CCDC51: variants seen among roughly 807,000 people sequenced by gnomAD.
CCDC51 encodes the protein mitochondrial potassium channel.
In CCDC51, 25 loss-of-function variants were observed where a neutral mutation model predicts 24.8. The ratio of observed to expected loss-of-function variants is 1.01; its 90% CI spans 0.73 to 1.41. The LOEUF is 1.41. Ranked by LOEUF, CCDC51 falls within the 40% of genes most tolerant of loss-of-function variation. CCDC51 has a pLI of 0.00. For synonymous variants in CCDC51, 190 were observed against 204.3 expected (o/e 0.93, Z 0.60); for missense variants, 466 against 519.1 (o/e 0.90, Z 0.99).
Position 48,432,604 on chromosome 3 carries a change from G to T in CCDC51, c.1040C>A (p.Pro347Gln). The change falls in exon 4 of 4, where the codon CCA becomes CAA. Residue 347 changes from proline (P) to glutamine (Q), a missense_variant. By Grantham distance (76) the Pro-to-Gln change is moderately conservative (BLOSUM62 -1). Transcript: ENST00000395694. ...VVQLVKSAAH[P>Q]GLVEPADGAM... ...CCCGTCTGCTGGTTCCACCAGGCCT[G>T]GGTGTGCTGCAGACTTTACAAGCTG... The T allele has an allele frequency of 1.9e-6, 3 of 1,614,248 alleles. No individual in the cohort carries two copies. Among genetic ancestry groups the T allele is most frequent in the Non-Finnish European group, 1.7e-6 (2 of 1,180,050 alleles).
rs1407813261 is a variant in CCDC51, at chr3:48,435,598, C to T, written c.-8-462G>A. Among the ~76,000 whole-genome samples, 3 of 152,152 alleles carry T rather than the reference C, an allele frequency of 2.0e-5. No individual in the cohort carries two copies. The highest frequency in any genetic ancestry group is 7.2e-5 in the African/African-American group (3 of 41,424). On this transcript the variant is annotated intron_variant, in intron 1 of 3. Coordinates refer to ENST00000395694, the MANE Select transcript of CCDC51 (RefSeq NM_001256964.2). This position sits in a 1 kb window ranked among gnomAD's most constrained non-coding sequence, Gnocchi z 4.2. The stretch of plus-strand genomic sequence containing the variant: ...TGGAACTCAGGGGAATTCAGGAAGA[C>T]TAAGATCCAGGATCATTTCTGTAAA...
the CCDC51 span, chr3:48,446,643 G>T: frequency 2.7e-5 from 14 of 524,284 alleles, no homozygotes; most frequent in South Asian, 8.1e-5. Flanking sequence ...TCTAAACACC[G>T]GGCGGGGCCG....
chr3:48,440,429 C>T (rs747573501), upstream of CCDC51: 2 of 1,612,466 alleles, frequency 1.2e-6, no homozygotes, highest in South Asian at 2.2e-5. Flanking sequence ...ACTGAAACAG[C>T]CCAAGAAGCA....
upstream of CCDC51, chr3:48,443,876 AAAGT>A: frequency 3.2e-6 from 5 of 1,559,922 alleles, no homozygotes; most frequent in South Asian, 1.2e-5. Flanking sequence ...AATCTGGCAA[AAAGT>A]AAGCTGTTCC....
chr3:48,442,452 C>CT (rs904695197), upstream of CCDC51, among the ~76,000 whole-genome samples: 2,587 of 130,722 alleles, frequency 0.02, 39 homozygotes, highest in African/African-American at 0.037. Flanking sequence ...TAACCCTACA[C>CT]TTTTTTTTTT....
In CCDC51 at chr3:48,435,141, G is replaced by C; in HGVS notation, c.-8-5C>G. On this transcript the variant is annotated splice_polypyrimidine_tract_variant and splice_region_variant and intron_variant, in intron 1 of 3. Coordinates refer to ENST00000395694, the MANE Select transcript of CCDC51 (RefSeq NM_001256964.2). This position sits in a 1 kb window ranked among gnomAD's most constrained non-coding sequence, Gnocchi z 4.2. ...TGCGCCCCATCATCCTGAGATCTGT[G>C]AGGGGGACGCCAGACAGGTCAGCTC... 6.4e-7 allele frequency: 1 copy of C among 1,557,212 alleles called. No homozygotes were observed. Among genetic ancestry groups the C allele is most frequent in the Non-Finnish European group, 8.7e-7 (1 of 1,153,140 alleles).
At chr3:48,443,669 C>T (rs1306477059), upstream of CCDC51, among the ~76,000 whole-genome samples, 1 of 151,970 alleles carries the variant, frequency 6.6e-6, no homozygotes, top group African/African-American at 2.4e-5. Flanking sequence ...TGTACTCCAT[C>T]TCATCCTCAT....
upstream of CCDC51, among the ~76,000 whole-genome samples, chr3:48,443,185 G>A (rs926540771): frequency 2.7e-5 from 4 of 145,754 alleles, no homozygotes; most frequent in Admixed American, 7.0e-5. Context: ...AGGCTGCAGT[G>A]AGCCAAAATT....
chr3:48,434,942 G>C lies in CCDC51; in HGVS notation c.187C>G (p.Leu63Val), dbSNP rs551032462. The change falls in exon 2 of 4, where the codon CTG (leucine) becomes GTG (valine). Residue 63 changes from leucine (L) to valine (V), a missense_variant. Leu to Val is a conservative substitution (Grantham distance 32). Transcript: ENST00000395694. ...ALGLHHRLPA[L>V]GRALGHSIQQ... is the part of the protein sequence containing the mutation. ...ATGCTGTGCCCCAGGGCTCTTCCCAGTGCTGGGAGGCGGTGGTGCAGCCCC... is the reference window on the plus strand; with the variant it reads ...ATGCTGTGCCCCAGGGCTCTTCCCACTGCTGGGAGGCGGTGGTGCAGCCCC... 1.2e-6 allele frequency: 2 copies of C among 1,614,240 alleles called. No individual in the cohort carries two copies. The highest frequency in any genetic ancestry group is 2.2e-5 in the South Asian group (2 of 91,088).
chr3:48,438,086 T>G (rs1042014664), intron 1 of CCDC51: 10 of 152,240 alleles, frequency 6.6e-5, no homozygotes, highest in African/African-American at 2.4e-4. Context: ...ATGCCATTTT[T>G]CACTCGGTTT....
the CCDC51 span, among the ~76,000 whole-genome samples, chr3:48,445,697 G>A: frequency 1.3e-5 from 2 of 152,162 alleles, no homozygotes; most frequent in Non-Finnish European, 2.9e-5. Context: ...AGACATTATA[G>A]GCCCTGATAG....
At chr3:48,445,064 TTGGGAGGCTGAGG>T (rs1482965279), upstream of CCDC51, 5 of 152,432 alleles carry the variant, frequency 3.3e-5, no homozygotes, top group African/African-American at 1.2e-4. Context: ...TCCCAGCCAT[TTGGGAGGCTGAGG>T]TGGGAGGATC....
chr3:48,444,110 A>AGT (rs2039625640), upstream of CCDC51: 9 of 375,350 alleles, frequency 2.4e-5, no homozygotes, highest in Non-Finnish European at 2.4e-5. Context: ...GTGAATTTAA[A>AGT]GTAAAACCAG....
rs2039322950 is a variant in CCDC51 at position 48,435,425 on chromosome 3, C to T, written c.-8-289G>A. 1.3e-5 allele frequency among the ~76,000 whole-genome samples: 2 copies of T among 152,218 alleles called. No homozygotes were observed. The highest frequency in any genetic ancestry group is 4.1e-4 in the South Asian group (2 of 4,830). ...AAAGCGGACCCTTCCCTGCTACCCACTTCCCTACATCCTCCAGGTCTCTCT... is the reference window on the plus strand; with the variant it reads ...AAAGCGGACCCTTCCCTGCTACCCATTTCCCTACATCCTCCAGGTCTCTCT... On this transcript the variant is annotated intron_variant, in intron 1 of 3. Transcript: ENST00000395694. This position sits in a 1 kb window ranked among gnomAD's most constrained non-coding sequence, Gnocchi z 4.2.
At chr3:48,439,335 A>T (rs1411343204) in intron 1 of CCDC51, among the ~76,000 whole-genome samples, 1 of 152,192 alleles carries the variant, frequency 6.6e-6, no homozygotes, top group Non-Finnish European at 1.5e-5. Context: ...ACTGTTATTT[A>T]AAAAAATAAC....
upstream of CCDC51, among the ~76,000 whole-genome samples, chr3:48,442,152 C>CTTAA (rs905841028): frequency 5.3e-5 from 8 of 151,998 alleles, no homozygotes; most frequent in Admixed American, 1.3e-4. Context: ...CTCGCTTAAG[C>CTTAA]CCAGGAGTTC....
chr3:48,440,943 C>T (rs2039546800), upstream of CCDC51: 2 of 454,594 alleles, frequency 4.4e-6, no homozygotes, highest in African/African-American at 2.0e-5. Flanking sequence ...ACGTCGTCCG[C>T]AATCTTTTGC....
Position 48,433,945 on chromosome 3 carries a change from G to C in CCDC51, c.313-74C>G. 7 of 1,545,006 alleles carry C rather than the reference G, an allele frequency of 4.5e-6. No individual in the cohort carries two copies. In the East Asian group the frequency reaches 9.1e-5, roughly 20 times the overall value. ...ACAGGCTCAGCTGCATTCCCAGCAA[G>C]GCATTCCCAGAAGAGGTCACTGGGG... On this transcript the variant is annotated intron_variant, in intron 2 of 3. Transcript: ENST00000395694. The surrounding 1 kb of genome is among the most constrained non-coding windows in gnomAD (Gnocchi z 4.4).
At chr3:48,434,695 G>A (rs1175559943) in intron 2 of CCDC51, 122 bp downstream of exon 2, 6 of 895,490 alleles carry the variant, frequency 6.7e-6, no homozygotes, top group African/African-American at 1.7e-5. Context: ...TCAAGCCCAG[G>A]TTTCCACGTG....
Sources: gnomAD v4.1 joint callset for allele counts (sites outside exome capture counted in the v4.1 genomes callset) on GRCh38, gnomAD v4.1.1 for gene constraint, Gnocchi (gnomAD v3.1) non-coding constraint, MANE v1.5 for transcripts, NCBI Gene and HGNC (gene_info 2026-07-23, HGNC 2026-07-21) for gene names.